P3H2: variants seen among roughly 807,000 people sequenced by gnomAD.
The protein encoded by P3H2 is prolyl 3-hydroxylase 2.
A neutral mutation model predicts 87.0 loss-of-function variants in P3H2; 80 were observed. The ratio of observed to expected loss-of-function variants is 0.92; its 90% CI spans 0.77 to 1.11. P3H2 has a LOEUF of 1.11. P3H2 is among the 50% of genes least tolerant of loss of function. The pLI, the probability that P3H2 is intolerant of heterozygous loss-of-function variation, is 0.00. For missense variants in P3H2, 1,001 were observed against 923.9 expected, an observed-to-expected ratio of 1.08 and a Z score of -1.08; for synonymous variants, 367 against 359.3, an observed-to-expected ratio of 1.02 and a Z score of -0.24.
At chr3:190,075,242 T>C (rs1726829189) in intron 1 of P3H2, among the ~76,000 whole-genome samples, 1 of 152,146 alleles carries the variant, frequency 6.6e-6, no homozygotes, top group African/African-American at 2.4e-5. Flanking sequence ...TCCCAGCACT[T>C]TGGGAGGCCA....
intron 1 of P3H2, among the ~76,000 whole-genome samples, chr3:190,004,414 G>A (rs367543754): frequency 7.9e-5 from 12 of 152,104 alleles, no homozygotes; most frequent in African/African-American, 2.7e-4. Flanking sequence ...ACGGAGTCTC[G>A]CTCTGTCGCC....
At chr3:190,015,257 C>G (rs879805807) in intron 1 of P3H2, among the ~76,000 whole-genome samples, 3 of 152,138 alleles carry the variant, frequency 2.0e-5, no homozygotes, top group Non-Finnish European at 4.4e-5. Flanking sequence ...GCCACTGCAT[C>G]TAGCCTAGGA....
intron 1 of P3H2, among the ~76,000 whole-genome samples, chr3:190,004,412 T>C (rs978727976): frequency 6.6e-6 from 1 of 152,222 alleles, no homozygotes; most frequent in Non-Finnish European, 1.5e-5. Flanking sequence ...AGACGGAGTC[T>C]CGCTCTGTCG....
intron 1 of P3H2, among the ~76,000 whole-genome samples, chr3:190,026,240 A>T (rs1313613768): frequency 6.6e-6 from 1 of 152,022 alleles, no homozygotes; most frequent in Non-Finnish European, 1.5e-5. Flanking sequence ...TCTCTTTCTT[A>T]TAGTATTGTT....
intron 10 of P3H2, among the ~76,000 whole-genome samples, chr3:189,973,499 C>CTTTTTTTTTTT (rs750495361): frequency 2.4e-5 from 1 of 41,450 alleles, no homozygotes; most frequent in African/African-American, 6.6e-5. Flanking sequence ...TTTTTTCTTT[C>CTTTTTTTTTTT]TTTCTTTCTT....
intron 1 of P3H2, among the ~76,000 whole-genome samples, chr3:190,034,535 A>G (rs539526133): frequency 1.3e-5 from 2 of 152,362 alleles, no homozygotes; most frequent in South Asian, 2.1e-4. Context: ...AAACAAAATG[A>G]TTCATATTGT....
intron 1 of P3H2, among the ~76,000 whole-genome samples, chr3:190,043,188 CAT>C (rs752404732): frequency 6.6e-6 from 1 of 152,116 alleles, no homozygotes; most frequent in African/African-American, 2.4e-5. Flanking sequence ...GATGGAACAT[CAT>C]ATACATTTAT....
At chr3:190,045,777 A>AG (rs113909687) in intron 1 of P3H2, among the ~76,000 whole-genome samples, 1 of 24,424 alleles carries the variant, frequency 4.1e-5, no homozygotes, top group Admixed American at 8.5e-4. Flanking sequence ...GTCTTTCCTG[A>AG]AAAAAAAAAG....
intron 1 of P3H2, among the ~76,000 whole-genome samples, chr3:190,019,511 G>T (rs370117923): frequency 3.3e-5 from 5 of 152,186 alleles, no homozygotes; most frequent in African/African-American, 1.2e-4. Context: ...ATGTCTGGAT[G>T]CTGATGACTG....
chr3:190,039,865 G>A (rs74701035), intron 1 of P3H2, among the ~76,000 whole-genome samples: 2,624 of 152,242 alleles, frequency 0.017, 62 homozygotes, highest in African/African-American at 0.058. Flanking sequence ...CTCTGTAGGT[G>A]TTCAGAGTAT....
At chr3:189,965,167 G>C (rs551958053) in intron 13 of P3H2, among the ~76,000 whole-genome samples, 2 of 152,288 alleles carry the variant, frequency 1.3e-5, no homozygotes, top group African/African-American at 4.8e-5. Context: ...GTAAATCTTT[G>C]GTTTCCTTCT....
intron 14 of P3H2, chr3:189,963,735 C>T (rs760721428): frequency 3.2e-5 from 18 of 557,438 alleles, no homozygotes; most frequent in Admixed American, 5.7e-5. Context: ...TGAGCCACCA[C>T]GCCCAGCCTT....
intron 1 of P3H2, among the ~76,000 whole-genome samples, chr3:190,028,944 A>G (rs1182332302): frequency 6.6e-6 from 1 of 152,186 alleles, no homozygotes; most frequent in East Asian, 1.9e-4. Context: ...CAGTCTAGGG[A>G]GAGGAGTGTG....
At chr3:189,960,020 C>T (rs1722766487) in intron 14 of P3H2, among the ~76,000 whole-genome samples, 1 of 152,088 alleles carries the variant, frequency 6.6e-6, no homozygotes, top group African/African-American at 2.4e-5. Flanking sequence ...CTACTGAAGC[C>T]ACTCTCCCTC....
chr3:190,119,498 C>T (rs1712446972), intron 1 of P3H2, among the ~76,000 whole-genome samples: 2 of 152,256 alleles, frequency 1.3e-5, no homozygotes, highest in East Asian at 1.9e-4. Flanking sequence ...GCATACTATA[C>T]CTCCTGACGC....
At chr3:190,038,434 G>A (rs1452241773) in intron 1 of P3H2, among the ~76,000 whole-genome samples, 3 of 142,098 alleles carry the variant, frequency 2.1e-5, no homozygotes, top group South Asian at 2.2e-4. Flanking sequence ...CACCCCAGGT[G>A]TCCTCCTAGA....
At chr3:189,970,097 T>TTG (rs36166104) in intron 13 of P3H2, among the ~76,000 whole-genome samples, 5,152 of 141,412 alleles carry the variant, frequency 0.036, 211 homozygotes, top group African/African-American at 0.099. Flanking sequence ...GTTTACATAT[T>TTG]TGTGTGTGTG....
Position 189,970,817 on chromosome 3 carries a change from G to A in P3H2, c.1892C>T (p.Thr631Ile), listed in dbSNP as rs1577246208. The change falls in exon 13 of 15, where the codon ACT (threonine) becomes ATT (isoleucine). Residue 631 changes from threonine (T) to isoleucine (I), a missense_variant and splice_region_variant. Coordinates refer to ENST00000319332, the MANE Select transcript of P3H2 (RefSeq NM_018192.4). ...GTATTCAAGAATAGGTTTACTTACA[G>A]TCACAGTCTTAGCATCCATCTCTGT... Reference protein sequence around the residue: ...IFTEMDAKTVTASIKPKCGRM... With the variant: ...IFTEMDAKTVIASIKPKCGRM... 6.4e-7 allele frequency: 1 copy of A among 1,562,426 alleles called. No individual in the cohort carries two copies. The highest frequency in any genetic ancestry group is 8.8e-7 in the Non-Finnish European group (1 of 1,133,326).
chr3:190,011,340 G>A (rs1173555158), intron 1 of P3H2, among the ~76,000 whole-genome samples: 2 of 150,976 alleles, frequency 1.3e-5, no homozygotes, highest in African/African-American at 4.9e-5. Context: ...TACTTTCTCA[G>A]AATAAGACTA....
Sources: allele counts gnomAD v4.1 joint callset (sites outside exome capture counted in the v4.1 genomes callset), GRCh38; gene constraint gnomAD v4.1.1; transcripts MANE v1.5; gene names NCBI Gene and HGNC (gene_info 2026-07-23, HGNC 2026-07-21).